Variants in GAL3ST4 observed in about 807,000 individuals in gnomAD.
The protein encoded by GAL3ST4 is galactose-3-O-sulfotransferase 4.
GAL3ST4 carries 30 observed loss-of-function variants against 31.6 expected under a neutral mutation model. The observed-to-expected ratio is 0.95, with a 90% confidence interval of 0.71 to 1.29. GAL3ST4 has a LOEUF of 1.29. Among genes scored for constraint, GAL3ST4 ranks in the 50% most tolerant of loss-of-function variants. The pLI is 0.00. For missense variants in GAL3ST4, 629 were observed against 625.2 expected, an observed-to-expected ratio of 1.01 and a Z score of -0.06; for synonymous variants, 248 against 256.9, an observed-to-expected ratio of 0.97 and a Z score of 0.33.
At chr7:100,164,581 C>T (rs181328765) in intron 3 of GAL3ST4, among the ~76,000 whole-genome samples, 294 of 152,196 alleles carry the variant, frequency 1.9e-3, no homozygotes, top group Non-Finnish European at 2.3e-3. Flanking sequence ...ATTGCTTGAA[C>T]CCGGGAGGCA....
At chr7:100,161,797 G>A (rs1799008014) in intron 3 of GAL3ST4, among the ~76,000 whole-genome samples, 1 of 152,166 alleles carries the variant, frequency 6.6e-6, no homozygotes, top group South Asian at 2.1e-4. Flanking sequence ...CATGGATGAA[G>A]CTGGAAGCCA....
chr7:100,166,125 C>G (rs569619260), intron 3 of GAL3ST4, among the ~76,000 whole-genome samples: 8 of 152,272 alleles, frequency 5.3e-5, no homozygotes, highest in Admixed American at 5.2e-4. Context: ...GATTGTGCCA[C>G]TGCACTCCAG....
At position 100,168,103 on chromosome 7, in the gene GAL3ST4, C is replaced by T. The variant is rs1300411424; in HGVS notation, c.-189+443G>A. ...AAAGATAAGGAGAAAGGCGCAAACA[C>T]TAACTGCAGAGTTCCTTCTGAAGCC... On this transcript the variant is annotated intron_variant, in intron 1 of 3. Coordinates refer to ENST00000360039, the MANE Select transcript of GAL3ST4 (RefSeq NM_024637.5). The surrounding 1 kb of genome is among the most constrained non-coding windows in gnomAD (Gnocchi z 4.1). The T allele has an allele frequency of 6.6e-6, 1 of 152,314 alleles. No homozygotes were observed. Among genetic ancestry groups the T allele is most frequent in the East Asian group, 1.9e-4 (1 of 5,204 alleles). The allele number at this position is 152,314 out of a possible 1,614,324, so 9.4% of individuals were successfully genotyped here.
intron 3 of GAL3ST4, 142 bp from the exon 4 acceptor site, chr7:100,161,101 T>C (rs538109722): frequency 4.5e-6 from 3 of 666,326 alleles, no homozygotes; most frequent in South Asian, 4.4e-5. Flanking sequence ...TTCCATCACT[T>C]GCTGAGTGGC....
At chr7:100,161,478 G>A (rs199860800) in intron 3 of GAL3ST4, among the ~76,000 whole-genome samples, 1 of 151,528 alleles carries the variant, frequency 6.6e-6, no homozygotes, top group Non-Finnish European at 1.5e-5. Flanking sequence ...GTGAAACCCC[G>A]TCTCTACTAA....
Position 100,159,533 on chromosome 7 carries a change from A to G in GAL3ST4, c.*395T>C, listed in dbSNP as rs1262330701. The G allele has an allele frequency of 5.7e-6, 1 of 174,584 alleles. No homozygotes were observed. The highest frequency in any genetic ancestry group is 2.4e-5 in the African/African-American group (1 of 41,730). 10.8% of individuals were successfully genotyped at this position (174,584 alleles called of 1,614,324 possible). A position where few individuals can be genotyped will look rare whatever the true frequency, so the allele number is the denominator to read the frequency against. On this transcript the variant is annotated 3_prime_UTR_variant, in exon 4 of 4. Coordinates refer to ENST00000360039, the MANE Select transcript of GAL3ST4 (RefSeq NM_024637.5). ...AGGTGAGGAGTTCAAGACCAGCCTA[A>G]CCAACATGTTGAATCCCTGTCTCTA...
At position 100,167,100 on chromosome 7, in the gene GAL3ST4, C is replaced by T; in HGVS notation, c.-5G>A. ...GGCAGGAGAGAGAGGGCCCATGTGGCACAGGGAAGGGTGAGGTGACAGAGA... is the reference window on the plus strand; with the variant it reads ...GGCAGGAGAGAGAGGGCCCATGTGGTACAGGGAAGGGTGAGGTGACAGAGA... On this transcript the variant is annotated 5_prime_UTR_variant, in exon 2 of 4. Coordinates refer to ENST00000360039, the MANE Select transcript of GAL3ST4 (RefSeq NM_024637.5). 6.4e-7 allele frequency: 1 copy of T among 1,553,518 alleles called. No individual in the cohort carries two copies. Among genetic ancestry groups the T allele is most frequent in the Non-Finnish European group, 8.7e-7 (1 of 1,147,870 alleles).
rs114072073 is a variant in GAL3ST4, at chr7:100,166,735, G to A, written c.196C>T (p.Arg66Trp). The A allele has an allele frequency of 4.9e-4, 796 of 1,613,958 alleles. 2 individuals are homozygous for A. The highest frequency in any genetic ancestry group is 2.2e-3 in the African/African-American group (164 of 75,046). Residue 66 changes from arginine to tryptophan, a missense_variant, in exon 3 of 4, where the codon CGG (arginine) becomes TGG (tryptophan). By Grantham distance (101) the Arg-to-Trp change is moderately radical (BLOSUM62 -3). Transcript: ENST00000360039. Reference protein sequence around the residue: ...LRPALPSCPPRQRLVFLKTHK... With the variant: ...LRPALPSCPPWQRLVFLKTHK... ...GTCTTCAGGAACACCAGTCGCTGCC[G>A]GGGTGGGCAGGACGGAAGGGCTGGT...
Position 100,160,183 on chromosome 7 carries a change from G to C in GAL3ST4, c.1206C>G (p.Ala402=). Residue 402 remains alanine (A), a synonymous_variant, in exon 4 of 4, where the codon GCC becomes GCG. Transcript: ENST00000360039. ...AVAELRARRE[A]LAKHCLVGGE... ...CCCCTACCAGACAATGTTTCGCTAG[G>C]GCCTCTCGGCGAGCCCGGAGCTCGG... The C allele has an allele frequency of 6.2e-7, 1 of 1,614,142 alleles. No individual in the cohort carries two copies.
chr7:100,161,052 T>G, intron 3 of GAL3ST4, 93 bp from the exon 4 acceptor site: 1 of 1,081,348 alleles, frequency 9.2e-7, no homozygotes, highest in Non-Finnish European at 1.3e-6. Flanking sequence ...ACCAGCCTCC[T>G]GAAACCTCCT....
rs1799077740 is a variant in GAL3ST4, at chr7:100,166,601, G to A, written c.330C>T (p.Leu110=). 5 of 1,614,250 alleles carry A rather than the reference G, an allele frequency of 3.1e-6. No individual in the cohort carries two copies. The East Asian group carries it at 1.1e-4, about 36-fold the overall frequency. ...PARYQFGYPK[L]FQASRVKGYR... ...AGCCTTTTACCCTAGAGGCCTGGAA[G>A]AGCTTTGGGTAGCCAAACTGGTAGC... Residue 110 remains leucine (L), a synonymous_variant, in exon 3 of 4, where the codon CTC becomes CTT. Transcript: ENST00000360039.
At chr7:100,164,973 C>A (rs1277190259) in intron 3 of GAL3ST4, among the ~76,000 whole-genome samples, 1 of 150,414 alleles carries the variant, frequency 6.6e-6, no homozygotes, top group Non-Finnish European at 1.5e-5. Flanking sequence ...CTCCCAGGTT[C>A]ATGCCATTTT....
At position 100,167,248 on chromosome 7, in the gene GAL3ST4, C is replaced by T; in HGVS notation, c.-153G>A. On this transcript the variant is annotated 5_prime_UTR_variant, in exon 2 of 4. Transcript: ENST00000360039. ...CTGCTCACAGTCTTGGTTGAGTCTG[C>T]CCCCTGAGTTAGCAGATTTTTGCCT... 1 of 1,480,834 alleles carries T rather than the reference C, an allele frequency of 6.8e-7. No individual in the cohort carries two copies. The highest frequency in any genetic ancestry group is 9.0e-7 in the Non-Finnish European group (1 of 1,113,662). The allele number at this position is 1,480,834 out of a possible 1,614,324, so 91.7% of individuals were successfully genotyped here. A position where few individuals can be genotyped will look rare whatever the true frequency, so the allele number is the denominator to read the frequency against.
chr7:100,160,786 A>C lies in GAL3ST4; in HGVS notation c.603T>G (p.Arg201=). ...GTAAGTTGCGAGCGTAGTGGTCCCC[A>C]CGGGCCCCAGGCCTGTAGAAGCCTC... is the stretch of plus-strand genomic sequence containing the variant. ...NPRGFYRPGA[R]GDHYARNLLW... The change falls in exon 4 of 4, where the codon CGT becomes CGG. Residue 201 remains arginine, a synonymous_variant. Transcript: ENST00000360039. 6.2e-7 allele frequency: 1 copy of C among 1,614,228 alleles called. No individual in the cohort carries two copies. Among genetic ancestry groups the C allele is most frequent in the Non-Finnish European group, 8.5e-7 (1 of 1,180,036 alleles).
At chr7:100,166,214 T>C (rs1045459348) in intron 3 of GAL3ST4, among the ~76,000 whole-genome samples, 3 of 152,052 alleles carry the variant, frequency 2.0e-5, no homozygotes, top group Non-Finnish European at 2.9e-5. Flanking sequence ...GAGGGAGAGT[T>C]GGGGGCTCAG....
chr7:100,160,790 G>A lies in GAL3ST4; in HGVS notation c.599C>T (p.Ala200Val). 6.2e-7 allele frequency: 1 copy of A among 1,614,228 alleles called. No homozygotes were observed. The highest frequency in any genetic ancestry group is 1.1e-5 in the South Asian group (1 of 91,090). Residue 200 changes from alanine (A) to valine (V), a missense_variant, in exon 4 of 4, where the codon GCC becomes GTC. Physicochemically the swap from Ala to Val is moderately conservative, Grantham distance 64 (BLOSUM62 0). Transcript: ENST00000360039. The part of the protein sequence containing the change: ...ANPRGFYRPG[A>V]RGDHYARNLL... ...GTTGCGAGCGTAGTGGTCCCCACGGGCCCCAGGCCTGTAGAAGCCTCGAGG... is the reference window on the plus strand; with the variant it reads ...GTTGCGAGCGTAGTGGTCCCCACGGACCCCAGGCCTGTAGAAGCCTCGAGG...
chr7:100,163,830 G>C (rs1377702250), intron 3 of GAL3ST4, among the ~76,000 whole-genome samples: 1 of 152,126 alleles, frequency 6.6e-6, no homozygotes, highest in African/African-American at 2.4e-5. Context: ...CACCATGCCT[G>C]GCCCTGCAGG....
Position 100,167,300 on chromosome 7 carries a change from G to C in GAL3ST4, c.-188-17C>G, listed in dbSNP as rs757405351. Reference sequence around the variant, plus strand: ...TGTCAGCGTCTAGAAGGGAAATGAGGGGGGAAGAAGGGAAGTCTAAGGAGA... The same window carrying C: ...TGTCAGCGTCTAGAAGGGAAATGAGCGGGGAAGAAGGGAAGTCTAAGGAGA... On this transcript the variant is annotated splice_polypyrimidine_tract_variant and intron_variant, in intron 1 of 3. Coordinates refer to ENST00000360039, the MANE Select transcript of GAL3ST4 (RefSeq NM_024637.5). 720 of 1,276,528 alleles carry C rather than the reference G, an allele frequency of 5.6e-4. 1 individual carries two copies. The highest frequency in any genetic ancestry group is 1.1e-3 in the Middle Eastern group (4 of 3,612). 79.1% of individuals were successfully genotyped at this position (1,276,528 alleles called of 1,614,324 possible). A position where few individuals can be genotyped will look rare whatever the true frequency, so the allele number is the denominator to read the frequency against.
Position 100,168,323 on chromosome 7 carries a change from A to T in GAL3ST4, c.-189+223T>A, listed in dbSNP as rs893379233. Among the ~76,000 whole-genome samples, 1 of 152,068 alleles carries T rather than the reference A, an allele frequency of 6.6e-6. No homozygotes were observed. Among genetic ancestry groups the T allele is most frequent in the African/African-American group, 2.4e-5 (1 of 41,400 alleles). ...GCATCACTCCCCAATTCCCTCCCTG[A>T]TCACAGCCCCTGGGGTCTAGCCGCG... On this transcript the variant is annotated intron_variant, in intron 1 of 3. Transcript: ENST00000360039. The surrounding 1 kb of genome is among the most constrained non-coding windows in gnomAD (Gnocchi z 4.1).
Sources: gnomAD v4.1 joint callset for allele counts (sites outside exome capture counted in the v4.1 genomes callset) on GRCh38, gnomAD v4.1.1 for gene constraint, Gnocchi (gnomAD v3.1) non-coding constraint, MANE v1.5 for transcripts, NCBI Gene and HGNC (gene_info 2026-07-23, HGNC 2026-07-21) for gene names.